WWOX: variants seen among roughly 807,000 people sequenced by gnomAD.
The protein encoded by WWOX is WW domain containing oxidoreductase, also known as WW domain-containing oxidoreductase.
In WWOX, 69 loss-of-function variants were observed where a neutral mutation model predicts 46.2. The ratio of observed to expected loss-of-function variants is 1.49; its 90% CI spans 1.23 to 1.82. WWOX has a LOEUF of 1.82. Among genes scored for constraint, WWOX ranks in the 40% most tolerant of loss-of-function variants. The pLI, the probability that WWOX is intolerant of heterozygous loss-of-function variation, is 0.00. For synonymous variants in WWOX, 359 were observed against 202.6 expected (o/e 1.77, Z -6.56); for missense variants, 919 against 542.6 (o/e 1.69, Z -6.89).
chr16:78,929,964 C>G (rs990306946), intron 8 of WWOX, among the ~76,000 whole-genome samples: 2 of 152,120 alleles, frequency 1.3e-5, no homozygotes, highest in African/African-American at 4.8e-5. Flanking sequence ...ACTGCCCTTG[C>G]AGCTAGCTCT....
intron 8 of WWOX, among the ~76,000 whole-genome samples, chr16:78,450,860 T>C (rs1280362704): frequency 2.0e-5 from 3 of 152,242 alleles, no homozygotes; most frequent in Admixed American, 6.5e-5. Flanking sequence ...GAAAACATTA[T>C]ATTTCAAAAG....
At chr16:78,664,168 A>G (rs184516502) in intron 8 of WWOX, among the ~76,000 whole-genome samples, 150 of 152,322 alleles carry the variant, frequency 9.8e-4, no homozygotes, top group African/African-American at 3.4e-3. Context: ...TGACCAGGTG[A>G]CAATAATGGA....
At chr16:78,817,166 G>T (rs1397850634) in intron 8 of WWOX, among the ~76,000 whole-genome samples, 3 of 74,276 alleles carry the variant, frequency 4.0e-5, no homozygotes, top group Non-Finnish European at 5.6e-5. Context: ...AAACATTAGT[G>T]CTATTCTTTT....
At chr16:78,686,244 G>T (rs551147680) in intron 8 of WWOX, among the ~76,000 whole-genome samples, 2 of 152,278 alleles carry the variant, frequency 1.3e-5, no homozygotes, top group East Asian at 3.9e-4. Context: ...AGGCGCGGTG[G>T]CTCAGGCCTG....
intron 8 of WWOX, among the ~76,000 whole-genome samples, chr16:78,582,370 C>T (rs2045080526): frequency 6.6e-6 from 1 of 152,166 alleles, no homozygotes; most frequent in South Asian, 2.1e-4. Flanking sequence ...AAGAATGTGG[C>T]TTCAATGAGT....
chr16:78,509,570 C>T (rs1302591789), intron 8 of WWOX, among the ~76,000 whole-genome samples: 2 of 152,142 alleles, frequency 1.3e-5, no homozygotes, highest in Non-Finnish European at 2.9e-5. Flanking sequence ...GGAGTATTTG[C>T]AGACGCTCTG....
At chr16:78,525,574 A>C (rs1351217886) in intron 8 of WWOX, 1 of 152,194 alleles carries the variant, frequency 6.6e-6, no homozygotes, top group Non-Finnish European at 1.5e-5. Flanking sequence ...TGAGTCTCAA[A>C]ATGTCTGGTA....
intron 8 of WWOX, among the ~76,000 whole-genome samples, chr16:78,792,502 C>T (rs1186437752): frequency 6.6e-6 from 1 of 152,146 alleles, no homozygotes; most frequent in Admixed American, 6.5e-5. Context: ...TGAAAAGGTG[C>T]TGCAAGTCTG....
chr16:79,145,100 G>C (rs1366367284), intron 8 of WWOX, among the ~76,000 whole-genome samples: 1 of 152,132 alleles, frequency 6.6e-6, no homozygotes. Context: ...TTATGGGTCA[G>C]AGCTTGTTGA....
At chr16:78,777,960 G>A (rs907101347) in intron 8 of WWOX, among the ~76,000 whole-genome samples, 3 of 149,404 alleles carry the variant, frequency 2.0e-5, no homozygotes, top group East Asian at 2.0e-4. Context: ...TAGGAGAATC[G>A]CTTGAACCCA....
At chr16:79,187,099 G>GA (rs2150798560) in intron 8 of WWOX, among the ~76,000 whole-genome samples, 1 of 152,302 alleles carries the variant, frequency 6.6e-6, no homozygotes, top group South Asian at 2.1e-4. Flanking sequence ...GGGGTCATTA[G>GA]AAAATCATAG....
chr16:79,026,614 CTTTTTTTT>C (rs748965500), intron 8 of WWOX, among the ~76,000 whole-genome samples: 23 of 101,096 alleles, frequency 2.3e-4, no homozygotes, highest in African/African-American at 9.4e-4. Flanking sequence ...GTGGTAGACT[CTTTTTTTT>C]TTTTTTTTTT....
At chr16:79,152,994 G>A (rs886347454) in intron 8 of WWOX, among the ~76,000 whole-genome samples, 1 of 152,174 alleles carries the variant, frequency 6.6e-6, no homozygotes, top group Admixed American at 6.5e-5. Context: ...GGAAATACAA[G>A]GAAGGAAGAG....
chr16:78,859,004 A>T (rs1397773938), intron 8 of WWOX, among the ~76,000 whole-genome samples: 4 of 35,830 alleles, frequency 1.1e-4, no homozygotes, highest in Non-Finnish European at 2.2e-4. Context: ...TGAAATTTAA[A>T]AAAAAAAAAA....
chr16:78,304,404 G>T (rs1010411019), intron 5 of WWOX, among the ~76,000 whole-genome samples: 1 of 152,192 alleles, frequency 6.6e-6, no homozygotes, highest in South Asian at 2.1e-4. Flanking sequence ...CAGCCATGCT[G>T]TTGCCTTCTG....
At chr16:78,368,909 G>T (rs556136302) in intron 5 of WWOX, among the ~76,000 whole-genome samples, 1 of 152,288 alleles carries the variant, frequency 6.6e-6, no homozygotes, top group South Asian at 2.1e-4. Context: ...CCACTGCTCT[G>T]TGTCTGTGTG....
intron 8 of WWOX, among the ~76,000 whole-genome samples, chr16:78,835,863 T>A (rs891169010): frequency 6.6e-6 from 1 of 152,186 alleles, no homozygotes; most frequent in East Asian, 1.9e-4. Flanking sequence ...ATTCAACATA[T>A]TTATTTTTTT....
At chr16:79,173,180 C>T (rs986825144) in intron 8 of WWOX, among the ~76,000 whole-genome samples, 5 of 152,222 alleles carry the variant, frequency 3.3e-5, no homozygotes, top group Admixed American at 1.3e-4. Context: ...TAGGCATCTA[C>T]GTCACTGCAG....
intron 8 of WWOX, among the ~76,000 whole-genome samples, chr16:78,990,931 A>G (rs2046875404): frequency 6.6e-6 from 1 of 152,242 alleles, no homozygotes; most frequent in Admixed American, 6.5e-5. Context: ...TGTCATGCTG[A>G]GAAAGAAGAA....
Sources: gnomAD v4.1 joint callset for allele counts (sites outside exome capture counted in the v4.1 genomes callset) on GRCh38, gnomAD v4.1.1 for gene constraint, MANE v1.5 for transcripts, NCBI Gene and HGNC (gene_info 2026-07-23, HGNC 2026-07-21) for gene names.